Variants in SAMD5 observed in about 807,000 individuals in gnomAD.
The protein encoded by SAMD5 is sterile alpha motif domain-containing protein 5.
SAMD5 carries 13 observed loss-of-function variants against 11.3 expected under a neutral mutation model. That is an observed-to-expected ratio of 1.15 (90% CI 0.75 to 1.83). The LOEUF (loss-of-function observed/expected upper bound fraction) is 1.83. SAMD5 is among the 40% of genes most tolerant of loss of function. SAMD5 has a pLI of 0.00. For synonymous variants in SAMD5, 129 were observed against 111.3 expected (o/e 1.16, Z -1.00); for missense variants, 255 against 239.1 (o/e 1.07, Z -0.44).
chr6:147,773,647 C>G, the SAMD5 span, among the ~76,000 whole-genome samples: 917 of 152,206 alleles, frequency 6.0e-3, 5 homozygotes, highest in Middle Eastern at 0.041. Flanking sequence ...CTCTTTAGTG[C>G]CTCTTTTTAT....
At chr6:147,869,178 C>T in the SAMD5 span, among the ~76,000 whole-genome samples, 3 of 152,166 alleles carry the variant, frequency 2.0e-5, no homozygotes, top group Non-Finnish European at 4.4e-5. Context: ...GAATCAGTTA[C>T]AAAGGATCTA....
chr6:147,681,331 C>T (rs1034281815), intron 1 of SAMD5, among the ~76,000 whole-genome samples: 1 of 151,970 alleles, frequency 6.6e-6, no homozygotes, highest in Admixed American at 6.6e-5. Flanking sequence ...TAGTTGCATC[C>T]AGTATGTTTT....
intron 1 of SAMD5, among the ~76,000 whole-genome samples, chr6:147,620,989 TGC>T (rs59069606): frequency 0.031 from 1,720 of 55,480 alleles, 53 homozygotes; most frequent in Admixed American, 0.19. Flanking sequence ...TGTGTGTGTG[TGC>T]GCGCGCGCAC....
At chr6:147,597,135 C>T (rs148877940) in intron 1 of SAMD5, among the ~76,000 whole-genome samples, 67 of 152,170 alleles carry the variant, frequency 4.4e-4, no homozygotes, top group African/African-American at 4.8e-4. Flanking sequence ...ATCATACAGA[C>T]GGATCTTCAG....
In SAMD5 at chr6:147,567,930, C is replaced by T; in HGVS notation, c.*3474C>T. ...AGCAAGATCCCGTCTCAAAACAAAA[C>T]AAAACAAAACAAAACAGCAAATTCA... On this transcript the variant is annotated 3_prime_UTR_variant, in exon 2 of 2. Coordinates refer to ENST00000367474, the MANE Select transcript of SAMD5 (RefSeq NM_001030060.3). The T allele has an allele frequency of 1.0e-6, 1 of 985,830 alleles. No individual in the cohort carries two copies. The highest frequency in any genetic ancestry group is 1.2e-6 in the Non-Finnish European group (1 of 830,312). 61.1% of individuals were successfully genotyped at this position (985,830 alleles called of 1,614,324 possible). A position where few individuals can be genotyped will look rare whatever the true frequency, so the allele number is the denominator to read the frequency against.
intron 1 of SAMD5, among the ~76,000 whole-genome samples, chr6:147,582,876 TG>T (rs1789319269): frequency 6.6e-6 from 1 of 152,166 alleles, no homozygotes; most frequent in African/African-American, 2.4e-5. Context: ...CACTTGTTTG[TG>T]AGGACAGTGG....
chr6:147,646,870 G>A (rs573232343), intron 1 of SAMD5, among the ~76,000 whole-genome samples: 1 of 151,742 alleles, frequency 6.6e-6, no homozygotes, highest in South Asian at 2.1e-4. Context: ...AGGCGTGGTG[G>A]CTCATGCCTG....
chr6:147,682,263 G>T (rs1790950858), intron 1 of SAMD5, among the ~76,000 whole-genome samples: 1 of 152,142 alleles, frequency 6.6e-6, no homozygotes, highest in Middle Eastern at 3.2e-3. Flanking sequence ...TTCCTTCATT[G>T]TCTAATGTCC....
chr6:147,757,636 CTG>C, the SAMD5 span, among the ~76,000 whole-genome samples: 45 of 152,218 alleles, frequency 3.0e-4, no homozygotes, highest in African/African-American at 1.1e-3. Context: ...TGATAGGTGT[CTG>C]TGGATGTGTT....
chr6:147,509,464 G>A, intron 1 of SAMD5, 77 bp downstream of exon 1: 1 of 1,340,536 alleles, frequency 7.5e-7, no homozygotes, highest in Non-Finnish European at 1.0e-6. Flanking sequence ...CCAAGGCTTT[G>A]CAACCCATTC....
the SAMD5 span, among the ~76,000 whole-genome samples, chr6:147,906,096 A>G: frequency 6.6e-6 from 1 of 152,214 alleles, no homozygotes; most frequent in Non-Finnish European, 1.5e-5. Flanking sequence ...CAGCATCCCA[A>G]TGCCAAATTG....
intron 1 of SAMD5, among the ~76,000 whole-genome samples, chr6:147,588,335 A>G (rs1392153376): frequency 1.7e-5 from 2 of 115,842 alleles, no homozygotes. Flanking sequence ...TTTTTTTGAG[A>G]CGGAGTCTCG....
the SAMD5 span, among the ~76,000 whole-genome samples, chr6:147,904,047 C>T: frequency 6.6e-6 from 1 of 152,172 alleles, no homozygotes; most frequent in Admixed American, 6.5e-5. Context: ...TGTACATTCT[C>T]CACATTGTGT....
At chr6:147,846,532 A>G in the SAMD5 span, among the ~76,000 whole-genome samples, 1 of 152,206 alleles carries the variant, frequency 6.6e-6, no homozygotes, top group Admixed American at 6.5e-5. Flanking sequence ...GTATTATTTC[A>G]AAGTAAAGAG....
chr6:147,861,056 T>C, the SAMD5 span, among the ~76,000 whole-genome samples: 4 of 152,282 alleles, frequency 2.6e-5, no homozygotes, highest in South Asian at 8.3e-4. Context: ...CACTGGCCTT[T>C]CCCGCTGACA....
At chr6:147,890,945 T>G in the SAMD5 span, among the ~76,000 whole-genome samples, 1 of 152,214 alleles carries the variant, frequency 6.6e-6, no homozygotes, top group African/African-American at 2.4e-5. Flanking sequence ...TGCACTATGT[T>G]ACATCCGTAT....
the SAMD5 span, among the ~76,000 whole-genome samples, chr6:147,777,832 T>C: frequency 1.2e-4 from 19 of 152,332 alleles, no homozygotes; most frequent in African/African-American, 4.3e-4. Flanking sequence ...TGTTGTAGCA[T>C]GCACCAGAAC....
At chr6:147,638,868 T>A (rs1196662147) in intron 1 of SAMD5, among the ~76,000 whole-genome samples, 1 of 152,232 alleles carries the variant, frequency 6.6e-6, no homozygotes, top group Non-Finnish European at 1.5e-5. Context: ...TGACAAAAAA[T>A]TTAACAATAC....
At chr6:147,535,722 G>A (rs561144293) in intron 1 of SAMD5, among the ~76,000 whole-genome samples, 1 of 152,152 alleles carries the variant, frequency 6.6e-6, no homozygotes, top group East Asian at 1.9e-4. Flanking sequence ...TTTGAAAGTC[G>A]AGCCTAGCCA....
Sources: allele counts gnomAD v4.1 joint callset (sites outside exome capture counted in the v4.1 genomes callset), GRCh38; gene constraint gnomAD v4.1.1; transcripts MANE v1.5; gene names NCBI Gene and HGNC (gene_info 2026-07-23, HGNC 2026-07-21).